Variants in FLT1 observed in about 807,000 individuals in gnomAD.
FLT1 encodes the protein vascular endothelial growth factor receptor 1.
In FLT1, 49 loss-of-function variants were observed where a neutral mutation model predicts 156.3. The observed-to-expected ratio is 0.31, with a 90% confidence interval of 0.25 to 0.40. The LOEUF is 0.40. Ranked by LOEUF, FLT1 falls within the 10% of genes least tolerant of loss-of-function variation. The probability of loss-of-function intolerance (pLI) is 1.00; values close to 1 mark genes in which losing one functional copy is unlikely to be tolerated. For synonymous variants in FLT1, 594 were observed against 583.8 expected, an observed-to-expected ratio of 1.02 and a Z score of -0.25; for missense variants, 1,322 against 1,637.2, an observed-to-expected ratio of 0.81 and a Z score of 3.32.
chr13:28,348,304 G>A (rs548339512), intron 15 of FLT1, among the ~76,000 whole-genome samples: 50 of 152,160 alleles, frequency 3.3e-4, no homozygotes, highest in Admixed American at 7.2e-4. Flanking sequence ...TCTAAATTCC[G>A]TCATCTGTTC....
At chr13:28,441,265 T>C (rs956061480) in intron 3 of FLT1, among the ~76,000 whole-genome samples, 7 of 152,216 alleles carry the variant, frequency 4.6e-5, no homozygotes. Flanking sequence ...GGCAGGCCAC[T>C]GTGCATGTGG....
intron 14 of FLT1, among the ~76,000 whole-genome samples, chr13:28,365,005 C>T (rs1024197458): frequency 6.6e-6 from 1 of 152,046 alleles, no homozygotes; most frequent in Non-Finnish European, 1.5e-5. Flanking sequence ...TGGAATTCCA[C>T]TGAGTTCATA....
At chr13:28,321,225 CT>C (rs1349201001) in intron 23 of FLT1, among the ~76,000 whole-genome samples, 4 of 152,196 alleles carry the variant, frequency 2.6e-5, no homozygotes, top group Non-Finnish European at 5.9e-5. Context: ...TCACGCAGCG[CT>C]GCCCAAAGGA....
At chr13:28,385,699 C>T in intron 13 of FLT1, 2 of 974,730 alleles carry the variant, frequency 2.1e-6, no homozygotes, top group Non-Finnish European at 2.5e-6. Flanking sequence ...ATATTATTTT[C>T]TCTTAAAACA....
intron 3 of FLT1, among the ~76,000 whole-genome samples, chr13:28,446,135 T>A (rs546557402): frequency 6.6e-6 from 1 of 152,226 alleles, no homozygotes. Flanking sequence ...CTCAGGAAAA[T>A]GGGAATTGCA....
intron 4 of FLT1, among the ~76,000 whole-genome samples, chr13:28,434,986 C>T (rs1593789966): frequency 1.3e-5 from 2 of 152,288 alleles, no homozygotes; most frequent in Middle Eastern, 3.4e-3. Flanking sequence ...CATAGTTTTT[C>T]CTCCCATTTT....
intron 14 of FLT1, among the ~76,000 whole-genome samples, chr13:28,380,104 A>G (rs1874013063): frequency 6.6e-6 from 1 of 152,192 alleles, no homozygotes; most frequent in African/African-American, 2.4e-5. Flanking sequence ...TATCTAAAGG[A>G]CACACAGTTT....
intron 15 of FLT1, among the ~76,000 whole-genome samples, chr13:28,353,865 C>T (rs1460625352): frequency 6.6e-6 from 1 of 152,168 alleles, no homozygotes; most frequent in Non-Finnish European, 1.5e-5. Context: ...GTTCATTCAT[C>T]CTTTACGGAT....
intron 14 of FLT1, among the ~76,000 whole-genome samples, chr13:28,376,770 G>C (rs1873855964): frequency 6.6e-6 from 1 of 152,230 alleles, no homozygotes; most frequent in South Asian, 2.1e-4. Flanking sequence ...AACCTGGGAA[G>C]AGGGTAAGGT....
intron 1 of FLT1, among the ~76,000 whole-genome samples, chr13:28,474,136 T>C (rs1039613676): frequency 9.9e-5 from 15 of 151,194 alleles, no homozygotes; most frequent in African/African-American, 2.4e-4. Flanking sequence ...TATGAGAAAA[T>C]AAATTCCTCT....
chr13:28,350,951 C>T (rs963739547), intron 15 of FLT1, among the ~76,000 whole-genome samples: 34 of 150,874 alleles, frequency 2.3e-4, no homozygotes, highest in African/African-American at 7.8e-4. Flanking sequence ...TCTCTCTCTC[C>T]CTCTCTCCCT....
rs377691426 is a variant in FLT1, at chr13:28,321,535, G to A, written c.3102C>T (p.Asn1034=). The change falls in exon 23 of 30, where the codon AAC becomes AAT. Residue 1034 remains asparagine, a synonymous_variant. Coordinates refer to ENST00000282397, the MANE Select transcript of FLT1 (RefSeq NM_002019.4). ...GGCCAAAATCACAAATCTTCACCAC[G>A]TTGTTCTCAGATAAAAGAATGTTTC... ...AARNILLSEN[N]VVKICDFGLA... is the part of the protein sequence containing the mutation. 3.7e-5 allele frequency: 59 copies of A among 1,613,828 alleles called. No individual in the cohort carries two copies. Among genetic ancestry groups the A allele is most frequent in the East Asian group, 4.5e-5 (2 of 44,898 alleles).
At chr13:28,304,685 T>C (rs77346642) in intron 29 of FLT1, among the ~76,000 whole-genome samples, 1,552 of 152,280 alleles carry the variant, frequency 0.01, 19 homozygotes, top group African/African-American at 0.036. Context: ...TAGCAGTCTT[T>C]CTTCCTCACG....
At position 28,300,366 on chromosome 13, in the gene FLT1, A is replaced by T. The variant is rs367583821; in HGVS notation, c.*2801T>A. 5 of 233,118 alleles carry T rather than the reference A, an allele frequency of 2.1e-5. No individual in the cohort carries two copies. Among genetic ancestry groups the T allele is most frequent in the Non-Finnish European group, 4.2e-5 (5 of 118,052 alleles). 14.4% of individuals were successfully genotyped at this position (233,118 alleles called of 1,614,324 possible). A position where few individuals can be genotyped will look rare whatever the true frequency, so the allele number is the denominator to read the frequency against. ...ATATATGTGTTTTTGGAAGTTTATT[A>T]TATGAAGATGGTATACAAAATACAT... On this transcript the variant is annotated 3_prime_UTR_variant, in exon 30 of 30. Transcript: ENST00000282397.
chr13:28,403,026 C>T (rs1354466678), intron 11 of FLT1, among the ~76,000 whole-genome samples: 6 of 152,068 alleles, frequency 3.9e-5, no homozygotes, highest in Non-Finnish European at 7.4e-5. Flanking sequence ...GTGATCCGCC[C>T]GCCACTTTGG....
intron 14 of FLT1, among the ~76,000 whole-genome samples, chr13:28,371,292 G>A (rs1873554240): frequency 6.6e-6 from 1 of 152,152 alleles, no homozygotes; most frequent in Non-Finnish European, 1.5e-5. Flanking sequence ...CCCTGTATCT[G>A]TGGTTTTAGT....
rs755279897 is a variant in FLT1 at position 28,433,799 on chromosome 13, T to G, written c.813+20A>C. The stretch of plus-strand genomic sequence containing the variant: ...TTAAAATACTGTCCTGCAGAAGAAA[T>G]AGAAAAATGGGTCACTCACTTCATC... On this transcript the variant is annotated intron_variant, in intron 6 of 29. Transcript: ENST00000282397. The G allele has an allele frequency of 3.1e-6, 5 of 1,612,112 alleles. No individual in the cohort carries two copies. Among genetic ancestry groups the G allele is most frequent in the Non-Finnish European group, 4.2e-6 (5 of 1,178,290 alleles).
intron 3 of FLT1, among the ~76,000 whole-genome samples, chr13:28,450,296 G>C (rs1406057710): frequency 6.6e-6 from 1 of 152,156 alleles, no homozygotes; most frequent in African/African-American, 2.4e-5. Flanking sequence ...GCTAAGATCT[G>C]AGTAAGTGAG....
At chr13:28,381,524 A>G (rs1249908423) in intron 14 of FLT1, among the ~76,000 whole-genome samples, 1 of 152,200 alleles carries the variant, frequency 6.6e-6, no homozygotes, top group Non-Finnish European at 1.5e-5. Context: ...ATGCCACTGC[A>G]CTCCAGCCTG....
Sources: allele counts gnomAD v4.1 joint callset (sites outside exome capture counted in the v4.1 genomes callset), GRCh38; gene constraint gnomAD v4.1.1; transcripts MANE v1.5; gene names NCBI Gene and HGNC (gene_info 2026-07-23, HGNC 2026-07-21).